MAGI2: variants seen among roughly 807,000 people sequenced by gnomAD.
MAGI2 encodes the protein membrane-associated guanylate kinase, WW and PDZ domain-containing protein 2.
Under a neutral mutation model 133.3 loss-of-function variants are expected in MAGI2, and 35 were observed. The observed-to-expected ratio is 0.26, with a 90% CI of 0.20 to 0.35. MAGI2 has a LOEUF of 0.35. Among genes scored for constraint, MAGI2 ranks in the 10% least tolerant of loss-of-function variants. MAGI2 has a pLI of 1.00. For missense variants in MAGI2, 1,636 were observed against 1,863.4 expected (o/e 0.88, Z 2.25); for synonymous variants, 729 against 710.6 (o/e 1.03, Z -0.41).
chr7:79,246,110 A>G (rs1348784710), intron 1 of MAGI2, among the ~76,000 whole-genome samples: 7 of 152,250 alleles, frequency 4.6e-5, no homozygotes, highest in Admixed American at 1.3e-4. Context: ...ATATAGCTGC[A>G]GTGAAGAAAA....
chr7:79,182,811 G>A lies in MAGI2; in HGVS notation c.302-175605C>T, dbSNP rs539523256. Among the ~76,000 whole-genome samples the A allele has an allele frequency of 2.6e-5, 4 of 151,962 alleles. No homozygotes were observed. In the South Asian group the frequency reaches 8.3e-4, roughly 32 times the overall value. ...TTAAATGTCCATCAACACTTGAATGGATAAAGATAAATGGATAAAGAAAAT... is the reference window on the plus strand; with the variant it reads ...TTAAATGTCCATCAACACTTGAATGAATAAAGATAAATGGATAAAGAAAAT... On this transcript the variant is annotated intron_variant, in intron 1 of 21. Transcript: ENST00000354212.
At chr7:79,042,313 T>G (rs2116915993) in intron 1 of MAGI2, among the ~76,000 whole-genome samples, 1 of 152,312 alleles carries the variant, frequency 6.6e-6, no homozygotes, top group Admixed American at 6.5e-5. Context: ...TTGTTGTTGG[T>G]TTAAAGTCTG....
intron 2 of MAGI2, among the ~76,000 whole-genome samples, chr7:78,795,696 G>A (rs1238080885): frequency 9.2e-5 from 14 of 151,790 alleles, no homozygotes; most frequent in Non-Finnish European, 1.5e-4. Context: ...ATAGGCAAAG[G>A]AATTCTGAGC....
intron 21 of MAGI2, among the ~76,000 whole-genome samples, chr7:78,048,307 C>A (rs992254460): frequency 6.6e-6 from 1 of 152,152 alleles, no homozygotes; most frequent in South Asian, 2.1e-4. Flanking sequence ...GAAGAACGCT[C>A]CAGTGGAGAA....
chr7:78,971,003 A>C (rs1438286122), intron 2 of MAGI2, among the ~76,000 whole-genome samples: 1 of 152,070 alleles, frequency 6.6e-6, no homozygotes, highest in Non-Finnish European at 1.5e-5. Context: ...ACTTAATGAG[A>C]ATGACCATTT....
intron 20 of MAGI2, among the ~76,000 whole-genome samples, chr7:78,103,361 A>G (rs942495921): frequency 6.6e-6 from 1 of 152,214 alleles, no homozygotes; most frequent in East Asian, 1.9e-4. Context: ...CTATACAGAC[A>G]TGAAGTATAT....
intron 16 of MAGI2, among the ~76,000 whole-genome samples, chr7:78,155,780 A>T (rs1204093018): frequency 6.6e-6 from 1 of 152,252 alleles, no homozygotes; most frequent in African/African-American, 2.4e-5. Context: ...CCTTCATTAC[A>T]TTGATTGATA....
intron 9 of MAGI2, among the ~76,000 whole-genome samples, chr7:78,309,170 C>T (rs566299025): frequency 8.5e-5 from 13 of 152,128 alleles, no homozygotes; most frequent in African/African-American, 1.2e-4. Flanking sequence ...TATTTGACCC[C>T]GCAATCCCAT....
intron 1 of MAGI2, among the ~76,000 whole-genome samples, chr7:79,058,866 T>C (rs1419707800): frequency 2.0e-5 from 3 of 152,202 alleles, no homozygotes; most frequent in East Asian, 3.9e-4. Context: ...GTAAATTACT[T>C]TTCCTCTCTA....
intron 2 of MAGI2, among the ~76,000 whole-genome samples, chr7:78,938,935 C>G (rs764043167): frequency 1.3e-5 from 2 of 152,046 alleles, no homozygotes; most frequent in Non-Finnish European, 2.9e-5. Flanking sequence ...GAGAGCCTAC[C>G]GGTTGGAGTT....
At chr7:78,253,108 CAT>C (rs1190329495) in intron 10 of MAGI2, 6 of 152,258 alleles carry the variant, frequency 3.9e-5, no homozygotes, top group Admixed American at 1.3e-4. Flanking sequence ...GCAACACAAA[CAT>C]GTGTATCCAA....
At chr7:78,990,522 C>A in intron 2 of MAGI2, among the ~76,000 whole-genome samples, 1 of 151,966 alleles carries the variant, frequency 6.6e-6, no homozygotes, top group East Asian at 1.9e-4. Context: ...TAGCTGCTGC[C>A]ATCTATTCAA....
chr7:78,867,368 T>G (rs1254747746), intron 2 of MAGI2, among the ~76,000 whole-genome samples: 5 of 150,074 alleles, frequency 3.3e-5, no homozygotes, highest in African/African-American at 9.8e-5. Context: ...CCATAAAAAA[T>G]GATGAGTTCA....
At chr7:78,220,118 C>T (rs1037802016) in intron 10 of MAGI2, among the ~76,000 whole-genome samples, 2 of 152,196 alleles carry the variant, frequency 1.3e-5, no homozygotes, top group African/African-American at 2.4e-5. Flanking sequence ...CCTCAGAGCC[C>T]TCTGTCTGTC....
intron 3 of MAGI2, among the ~76,000 whole-genome samples, chr7:78,529,082 T>C (rs990457350): frequency 2.0e-5 from 3 of 152,206 alleles, no homozygotes; most frequent in African/African-American, 7.2e-5. Context: ...TTTCACAATA[T>C]GATCTCCAAT....
intron 1 of MAGI2, chr7:79,413,444 G>A (rs1214625794): frequency 6.6e-6 from 1 of 152,106 alleles, no homozygotes; most frequent in African/African-American, 2.4e-5. Context: ...ATTCATCTGA[G>A]CCCCTTTTCA....
chr7:79,217,235 A>G (rs1045108564), intron 1 of MAGI2, among the ~76,000 whole-genome samples: 1 of 152,018 alleles, frequency 6.6e-6, no homozygotes, highest in African/African-American at 2.4e-5. Flanking sequence ...AAGATCAAAT[A>G]TTCTCGGAGT....
At chr7:78,614,940 A>G (rs987914351) in intron 3 of MAGI2, 20 of 152,190 alleles carry the variant, frequency 1.3e-4, no homozygotes, top group Admixed American at 3.3e-4. Flanking sequence ...CAGGGTCATT[A>G]TTAGGAGAAT....
At chr7:78,173,118 T>C (rs1826266348) in intron 14 of MAGI2, among the ~76,000 whole-genome samples, 1 of 152,208 alleles carries the variant, frequency 6.6e-6, no homozygotes, top group South Asian at 2.1e-4. Context: ...TTATCATAAA[T>C]ACTTGATGAC....
Sources: gnomAD v4.1 joint callset for allele counts (sites outside exome capture counted in the v4.1 genomes callset) on GRCh38, gnomAD v4.1.1 for gene constraint, MANE v1.5 for transcripts, NCBI Gene and HGNC (gene_info 2026-07-23, HGNC 2026-07-21) for gene names.